The following ATL3 variants were observed in gnomAD, a reference collection of about 807,000 sequenced individuals.
The protein encoded by ATL3 is atlastin GTPase 3.
ATL3 carries 49 observed loss-of-function variants against 69.5 expected under a neutral mutation model. The observed-to-expected ratio is 0.71, with a 90% CI of 0.56 to 0.89. The LOEUF (loss-of-function observed/expected upper bound fraction) is 0.89. Among genes scored for constraint, ATL3 ranks in the 40% least tolerant of loss-of-function variants. ATL3 has a pLI of 0.00. For synonymous variants in ATL3, 214 were observed against 224.1 expected (o/e 0.95, Z 0.40); for missense variants, 606 against 645.7 (o/e 0.94, Z 0.67).
chr11:63,641,119 T>C (rs929742676), intron 8 of ATL3, among the ~76,000 whole-genome samples: 4 of 152,184 alleles, frequency 2.6e-5, no homozygotes, highest in Non-Finnish European at 5.9e-5. Flanking sequence ...TATTTCTTCT[T>C]TTTGGACTTG....
intron 6 of ATL3, 116 bp from the exon 7 acceptor site, chr11:63,644,377 T>G (rs1939799392): frequency 3.4e-6 from 2 of 581,470 alleles, no homozygotes; most frequent in Non-Finnish European, 5.9e-6. Context: ...AGTAGAAGGA[T>G]TTACCTTTTT....
At chr11:63,663,419 T>C (rs997509163) in intron 1 of ATL3, among the ~76,000 whole-genome samples, 3 of 152,232 alleles carry the variant, frequency 2.0e-5, no homozygotes, top group Admixed American at 6.5e-5. Flanking sequence ...ATGTGGATGA[T>C]AGCCACTGTG....
chr11:63,648,414 T>C (rs1939958262), intron 5 of ATL3, among the ~76,000 whole-genome samples: 1 of 152,214 alleles, frequency 6.6e-6, no homozygotes, highest in South Asian at 2.1e-4. Context: ...CCTACCTCAT[T>C]GTGATCCAAA....
Position 63,629,269 on chromosome 11 carries a change from G to A in ATL3, c.*50C>T, listed in dbSNP as rs1294458164. On this transcript the variant is annotated 3_prime_UTR_variant, in exon 13 of 13. Coordinates refer to ENST00000398868, the MANE Select transcript of ATL3 (RefSeq NM_015459.5). ...AACCTGTGGCCGTGGCAGAAACCCA[G>A]AAATCAGTAGGGGCTTGTTGTGTTC... The A allele has an allele frequency of 1.3e-6, 2 of 1,517,596 alleles. No individual in the cohort carries two copies. The highest frequency in any genetic ancestry group is 1.7e-5 in the Admixed American group (1 of 59,686). The allele number at this position is 1,517,596 out of a possible 1,614,324, so 94.0% of individuals were successfully genotyped here. A position where few individuals can be genotyped will look rare whatever the true frequency, so the allele number is the denominator to read the frequency against.
intron 5 of ATL3, among the ~76,000 whole-genome samples, chr11:63,651,641 C>A (rs1376414852): frequency 6.6e-6 from 1 of 152,170 alleles, no homozygotes; most frequent in Non-Finnish European, 1.5e-5. Flanking sequence ...CAAGCACACT[C>A]CCCTCAGGGT....
At chr11:63,666,708 T>A (rs909950167) in intron 1 of ATL3, among the ~76,000 whole-genome samples, 2 of 151,916 alleles carry the variant, frequency 1.3e-5, no homozygotes, top group African/African-American at 4.8e-5. Context: ...CCGTGCCCGG[T>A]CCACTTGTCA....
chr11:63,657,383 G>A (rs1940288448), intron 3 of ATL3, among the ~76,000 whole-genome samples: 1 of 152,172 alleles, frequency 6.6e-6, no homozygotes, highest in African/African-American at 2.4e-5. Flanking sequence ...GCATAGATGA[G>A]ACTGGGGCTA....
chr11:63,666,774 A>T (rs987431842), intron 1 of ATL3, among the ~76,000 whole-genome samples: 1 of 152,148 alleles, frequency 6.6e-6, no homozygotes, highest in Non-Finnish European at 1.5e-5. Flanking sequence ...AATATCTGTA[A>T]GTGGCAACTT....
chr11:63,635,482 G>T (rs370486647), intron 10 of ATL3, 52 bp downstream of exon 10: 35 of 1,444,440 alleles, frequency 2.4e-5, no homozygotes, highest in Middle Eastern at 1.7e-4. Flanking sequence ...TTGTATACAG[G>T]TCAACTCAAG....
At chr11:63,668,473 T>C (rs576977603) in intron 1 of ATL3, among the ~76,000 whole-genome samples, 1 of 152,336 alleles carries the variant, frequency 6.6e-6, no homozygotes, top group East Asian at 1.9e-4. Flanking sequence ...TAAATCTAAT[T>C]AACCAGAATA....
At position 63,629,145 on chromosome 11, in the gene ATL3, T is replaced by C. The variant is rs1309294508; in HGVS notation, c.*174A>G. 1.7e-6 allele frequency: 1 copy of C among 585,608 alleles called. No individual in the cohort carries two copies. Among genetic ancestry groups the C allele is most frequent in the Non-Finnish European group, 3.1e-6 (1 of 323,660 alleles). 36.3% of individuals were successfully genotyped at this position (585,608 alleles called of 1,614,324 possible). On this transcript the variant is annotated 3_prime_UTR_variant, in exon 13 of 13. Coordinates refer to ENST00000398868, the MANE Select transcript of ATL3 (RefSeq NM_015459.5). ...GCTTCCAAGAGAAATGGAAGTGTGT[T>C]TAATAATTTGAAACCACAGGAGAGG...
rs1279828014 is a variant in ATL3 at position 63,627,277 on chromosome 11, G to A, written c.*2042C>T. On this transcript the variant is annotated 3_prime_UTR_variant, in exon 13 of 13. Coordinates refer to ENST00000398868, the MANE Select transcript of ATL3 (RefSeq NM_015459.5). ...CACCTGAAAATGCACCAACATTTCA[G>A]AAGCAAGCTTTCAAGTTAACAGTCA... The A allele has an allele frequency of 6.6e-6, 1 of 152,182 alleles. No homozygotes were observed. Among genetic ancestry groups the A allele is most frequent in the Admixed American group, 6.5e-5 (1 of 15,280 alleles). 9.4% of individuals were successfully genotyped at this position (152,182 alleles called of 1,614,324 possible). A position where few individuals can be genotyped will look rare whatever the true frequency, so the allele number is the denominator to read the frequency against.
At chr11:63,634,417 G>C (rs1349267527) in intron 10 of ATL3, among the ~76,000 whole-genome samples, 1 of 151,784 alleles carries the variant, frequency 6.6e-6, no homozygotes, top group Non-Finnish European at 1.5e-5. Context: ...TGAGGCAGGA[G>C]AATGGCGTGA....
chr11:63,669,883 G>A (rs1940718968), intron 1 of ATL3, among the ~76,000 whole-genome samples: 1 of 152,156 alleles, frequency 6.6e-6, no homozygotes, highest in Admixed American at 6.5e-5. Flanking sequence ...AGGAGGCGGA[G>A]GGTGCAGTGA....
chr11:63,635,941 C>T (rs749088183), intron 9 of ATL3, among the ~76,000 whole-genome samples: 8 of 148,246 alleles, frequency 5.4e-5, no homozygotes, highest in Non-Finnish European at 1.0e-4. Flanking sequence ...ACCTCCTGTC[C>T]ACACCATCTT....
Position 63,643,360 on chromosome 11 carries a change from T to G in ATL3, c.847A>C (p.Lys283Gln). 1 of 1,605,552 alleles carries G rather than the reference T, an allele frequency of 6.2e-7. No individual in the cohort carries two copies. Among genetic ancestry groups the G allele is most frequent in the East Asian group, 2.2e-5 (1 of 44,718 alleles). Residue 283 changes from lysine to glutamine, a missense_variant, in exon 8 of 13, where the codon AAA (lysine) becomes CAA (glutamine). Coordinates refer to ENST00000398868, the MANE Select transcript of ATL3 (RefSeq NM_015459.5). The stretch of plus-strand genomic sequence containing the variant: ...TAAAATAACACCTGGAACACACCTT[T>G]TAATTTCCCATCAAAGTCAGGGCTT... Reference protein sequence around the residue: ...ATSPDFDGKLKDIAGEFKEQL... With the variant: ...ATSPDFDGKLQDIAGEFKEQL...
At chr11:63,664,430 C>T (rs757327568) in intron 1 of ATL3, among the ~76,000 whole-genome samples, 1 of 151,532 alleles carries the variant, frequency 6.6e-6, no homozygotes, top group Non-Finnish European at 1.5e-5. Context: ...ATCCCAGCTA[C>T]TCGGGAGACT....
intron 3 of ATL3, among the ~76,000 whole-genome samples, chr11:63,657,342 G>A (rs1347628627): frequency 6.6e-6 from 1 of 152,116 alleles, no homozygotes; most frequent in Non-Finnish European, 1.5e-5. Context: ...AAAGAAATCT[G>A]TGGAGAGGCT....
chr11:63,657,776 A>C (rs1409131096), intron 3 of ATL3, among the ~76,000 whole-genome samples: 2 of 152,210 alleles, frequency 1.3e-5, no homozygotes, highest in South Asian at 4.1e-4. Flanking sequence ...ATTTCAGAAA[A>C]TAACAGTTCA....
Sources: gnomAD v4.1 joint callset for allele counts (sites outside exome capture counted in the v4.1 genomes callset) on GRCh38, gnomAD v4.1.1 for gene constraint, MANE v1.5 for transcripts, NCBI Gene and HGNC (gene_info 2026-07-23, HGNC 2026-07-21) for gene names.